TBCD: variants seen among roughly 807,000 people sequenced by gnomAD.
The protein encoded by TBCD is tubulin-specific chaperone D.
Under a neutral mutation model 169.3 loss-of-function variants are expected in TBCD, and 105 were observed. The ratio of observed to expected loss-of-function variants is 0.62; its 90% CI spans 0.53 to 0.73. The LOEUF is 0.73. Ranked by LOEUF, TBCD falls within the 30% of genes least tolerant of loss-of-function variation. The pLI is 0.00. For synonymous variants in TBCD, 700 were observed against 643.9 expected (o/e 1.09, Z -1.32); for missense variants, 1,444 against 1,600.1 (o/e 0.90, Z 1.66).
intron 4 of TBCD, among the ~76,000 whole-genome samples, chr17:82,767,953 CAAA>C (rs1197656847): frequency 1.5e-5 from 2 of 131,870 alleles, no homozygotes; most frequent in Non-Finnish European, 3.3e-5. Context: ...GACTCCATCT[CAAA>C]AAAAAAAAAA....
rs56125083 is a variant in TBCD at position 82,782,399 on chromosome 17, T to G, written c.771+678T>G. The stretch of plus-strand genomic sequence containing the variant: ...CCTTTGGCGTGGTGGGTTCAGCGCC[T>G]TCTTCTCTCTTTAATTACAGCGGGT... On this transcript the variant is annotated intron_variant, in intron 7 of 38. Coordinates refer to ENST00000355528, the MANE Select transcript of TBCD (RefSeq NM_005993.5). The surrounding 1 kb of genome is among the most constrained non-coding windows in gnomAD (Gnocchi z 5.1). 7.1e-3 allele frequency among the ~76,000 whole-genome samples: 1,076 copies of G among 152,326 alleles called. 10 individuals carry two copies. The highest frequency in any genetic ancestry group is 8.2e-3 in the Admixed American group (126 of 15,302).
chr17:82,826,785 A>AT (rs1015129208), intron 13 of TBCD, among the ~76,000 whole-genome samples: 26 of 146,106 alleles, frequency 1.8e-4, no homozygotes, highest in Admixed American at 2.7e-4. Flanking sequence ...TTATTTATGT[A>AT]TTTTTTTTGA....
chr17:82,773,487 C>A (rs1170986809), intron 6 of TBCD, among the ~76,000 whole-genome samples: 1 of 152,192 alleles, frequency 6.6e-6, no homozygotes, highest in African/African-American at 2.4e-5. Context: ...GATAATAGAG[C>A]ATGAAGTACA....
intron 7 of TBCD, among the ~76,000 whole-genome samples, chr17:82,790,999 G>A (rs558969692): frequency 6.6e-6 from 1 of 152,104 alleles, no homozygotes; most frequent in East Asian, 1.9e-4. Flanking sequence ...CGCTGAGCCC[G>A]TGGGCTGCTT....
At chr17:82,844,350 G>T (rs2054822317) in intron 13 of TBCD, among the ~76,000 whole-genome samples, 1 of 152,038 alleles carries the variant, frequency 6.6e-6, no homozygotes, top group Admixed American at 6.6e-5. Context: ...GCCATGCCAT[G>T]CCTGGTGCCC....
At chr17:82,837,483 C>T (rs1237483016) in intron 13 of TBCD, among the ~76,000 whole-genome samples, 3 of 152,186 alleles carry the variant, frequency 2.0e-5, no homozygotes, top group African/African-American at 4.8e-5. Flanking sequence ...AAGTGCGGAG[C>T]GTCTTTCTCT....
chr17:82,893,518 T>C (rs1243039207), intron 16 of TBCD, 29 bp from the exon 17 acceptor site: 1 of 1,527,878 alleles, frequency 6.5e-7, no homozygotes, highest in Admixed American at 1.8e-5. Flanking sequence ...CAAATTCTTC[T>C]TTTTCCCCCA....
chr17:82,896,815 G>T (rs1449088780), intron 17 of TBCD, among the ~76,000 whole-genome samples: 1 of 152,058 alleles, frequency 6.6e-6, no homozygotes, highest in Non-Finnish European at 1.5e-5. Context: ...GGTGCCACGC[G>T]CCCCCGGTGC....
Position 82,864,951 on chromosome 17 carries a change from C to G in TBCD, c.1319-5273C>G, listed in dbSNP as rs1288323441. ...TGTTGGGGGTGGGGCTCCTTGCCCCCCAAGGGCAGGCCGAGCACCAAGTCT... is the reference window on the plus strand; with the variant it reads ...TGTTGGGGGTGGGGCTCCTTGCCCCGCAAGGGCAGGCCGAGCACCAAGTCT... On this transcript the variant is annotated intron_variant, in intron 13 of 38. Transcript: ENST00000355528. This position sits in a 1 kb window ranked among gnomAD's most constrained non-coding sequence, Gnocchi z 6.3. Among the ~76,000 whole-genome samples, 2 of 151,874 alleles carry G rather than the reference C, an allele frequency of 1.3e-5. No homozygotes were observed. Among genetic ancestry groups the G allele is most frequent in the South Asian group, 2.1e-4 (1 of 4,806 alleles).
chr17:82,764,203 T>C (rs1010863376), intron 3 of TBCD, 141 bp downstream of exon 3: 1 of 676,680 alleles, frequency 1.5e-6, no homozygotes, highest in Non-Finnish European at 2.5e-6. Flanking sequence ...CTTTTTACTG[T>C]ATGTTGGGGA....
At chr17:82,758,648 CT>C (rs113281797) in intron 2 of TBCD, among the ~76,000 whole-genome samples, 2,902 of 114,896 alleles carry the variant, frequency 0.025, 124 homozygotes, top group African/African-American at 0.09. Context: ...CACCCTTTTG[CT>C]TTTTTTTTTT....
At chr17:82,758,400 A>AAAAAAAAAATAAAAT (rs1035939621) in intron 2 of TBCD, among the ~76,000 whole-genome samples, 1 of 100,032 alleles carries the variant, frequency 1.0e-5, no homozygotes, top group African/African-American at 3.6e-5. Flanking sequence ...AAAAAAAAAA[A>AAAAAAAAAATAAAAT]AAATAAATAA....
chr17:82,853,072 T>C (rs887461826), intron 13 of TBCD, among the ~76,000 whole-genome samples: 9 of 151,796 alleles, frequency 5.9e-5, no homozygotes, highest in East Asian at 1.9e-4. Context: ...CTCTCTCTCT[T>C]TTTTTTTAAA....
At chr17:82,752,907 C>T (rs572553646) in intron 1 of TBCD, among the ~76,000 whole-genome samples, 1 of 152,176 alleles carries the variant, frequency 6.6e-6, no homozygotes, top group Non-Finnish European at 1.5e-5. Flanking sequence ...GGGCAGCAGC[C>T]TGTCCGTTCC....
intron 23 of TBCD, chr17:82,913,942 G>C (rs901219718): frequency 6.6e-6 from 1 of 152,272 alleles, no homozygotes; most frequent in Admixed American, 6.5e-5. Flanking sequence ...CTTTCCACGC[G>C]ACGTGCCCTC....
At chr17:82,931,933 G>A (rs1290765008) in intron 33 of TBCD, 1 of 152,504 alleles carries the variant, frequency 6.6e-6, no homozygotes, top group East Asian at 1.9e-4. Context: ...TCTCACTGGC[G>A]CGTTGCTGTT....
chr17:82,882,774 T>C (rs1364520910), intron 14 of TBCD, among the ~76,000 whole-genome samples: 1 of 151,188 alleles, frequency 6.6e-6, no homozygotes, highest in African/African-American at 2.5e-5. Flanking sequence ...GCAAGGCCAG[T>C]GGGTCTGGGT....
At chr17:82,849,454 C>G (rs577000143) in intron 13 of TBCD, among the ~76,000 whole-genome samples, 1 of 152,346 alleles carries the variant, frequency 6.6e-6, no homozygotes, top group Non-Finnish European at 1.5e-5. Flanking sequence ...GTTTTGGCCC[C>G]TTTTCATATC....
At chr17:82,926,822 C>G (rs2061799094) in intron 28 of TBCD, 1 of 503,502 alleles carries the variant, frequency 2.0e-6, no homozygotes, top group Non-Finnish European at 3.5e-6. Context: ...CACCTGGGGC[C>G]ACGCCATATG....
Sources: gnomAD v4.1 joint callset for allele counts (sites outside exome capture counted in the v4.1 genomes callset) on GRCh38, gnomAD v4.1.1 for gene constraint, Gnocchi (gnomAD v3.1) non-coding constraint, MANE v1.5 for transcripts, NCBI Gene and HGNC (gene_info 2026-07-23, HGNC 2026-07-21) for gene names.